PLAC1: variants seen among roughly 807,000 people sequenced by gnomAD.
PLAC1 encodes the protein placenta-specific protein 1.
For synonymous variants in PLAC1, 68 were observed against 62.1 expected (o/e 1.09, Z -0.44); for missense variants, 136 against 163.2 (o/e 0.83, Z 0.91).
intron 2 of PLAC1, among the ~76,000 whole-genome samples, chrX:134,586,558 C>T (rs758598348): frequency 3.6e-5 from 4 of 111,125 alleles, no homozygotes; most frequent in Admixed American, 1.9e-4. Flanking sequence ...AGGGGAAGGA[C>T]GCAGAGGGCA....
intron 1 of PLAC1, among the ~76,000 whole-genome samples, chrX:134,736,148 C>T (rs959280334): frequency 9.1e-6 from 1 of 109,509 alleles, no homozygotes; most frequent in Non-Finnish European, 1.9e-5. Flanking sequence ...TGGTGGCATG[C>T]GCCTGTAGTC....
intron 2 of PLAC1, among the ~76,000 whole-genome samples, chrX:134,721,636 G>A (rs1254532921): frequency 1.8e-5 from 2 of 110,036 alleles, no homozygotes; most frequent in African/African-American, 6.6e-5. Context: ...AGGCCAAGGC[G>A]GGTGGATCAC....
At chrX:134,649,487 T>C (rs11795880) in intron 1 of PLAC1, among the ~76,000 whole-genome samples, 216 of 110,468 alleles carry the variant, frequency 2.0e-3, no homozygotes, top group Non-Finnish European at 3.0e-3. Context: ...TGGGAGCATT[T>C]ACACCATGGA....
intron 1 of PLAC1, among the ~76,000 whole-genome samples, chrX:134,736,047 G>A (rs867861942): frequency 9.1e-6 from 1 of 110,304 alleles, no homozygotes; most frequent in Non-Finnish European, 1.9e-5. Context: ...GGAGGCCGAG[G>A]CAGGCGGATC....
chrX:134,591,036 C>G (rs2078037238), intron 2 of PLAC1, among the ~76,000 whole-genome samples: 1 of 111,749 alleles, frequency 8.9e-6, no homozygotes, highest in Non-Finnish European at 1.9e-5. Flanking sequence ...GAGCCCAGGT[C>G]AGCACAATCC....
At chrX:134,621,821 C>T (rs1200545225) in intron 1 of PLAC1, among the ~76,000 whole-genome samples, 1 of 111,839 alleles carries the variant, frequency 8.9e-6, no homozygotes, top group African/African-American at 3.3e-5. Flanking sequence ...AGCAACCCAA[C>T]TGAAGGTCAA....
chrX:134,609,067 G>A (rs1312559076), intron 1 of PLAC1, among the ~76,000 whole-genome samples: 1 of 110,688 alleles, frequency 9.0e-6, no homozygotes, highest in Non-Finnish European at 1.9e-5. Flanking sequence ...TGACCTCCTG[G>A]GCTCAAATGA....
At chrX:134,584,695 C>G (rs747537004) in intron 2 of PLAC1, among the ~76,000 whole-genome samples, 2 of 111,617 alleles carry the variant, frequency 1.8e-5, no homozygotes, top group Non-Finnish European at 3.8e-5. Flanking sequence ...TAAGGACACA[C>G]ATGCAGAATA....
chrX:134,742,957 A>C (rs1298419142), intron 1 of PLAC1, among the ~76,000 whole-genome samples: 1 of 112,429 alleles, frequency 8.9e-6, no homozygotes, highest in Non-Finnish European at 1.9e-5. Flanking sequence ...AGAAAACAGA[A>C]ACAGAAAGAC....
At chrX:134,701,755 C>A (rs747998778) in intron 2 of PLAC1, among the ~76,000 whole-genome samples, 12 of 112,318 alleles carry the variant, frequency 1.1e-4, no homozygotes, top group African/African-American at 3.9e-4. Context: ...CAGTGGCTCA[C>A]GCCTGTAATC....
chrX:134,613,601 C>T (rs1461733491), intron 1 of PLAC1, among the ~76,000 whole-genome samples: 1 of 111,332 alleles, frequency 9.0e-6, no homozygotes, highest in Non-Finnish European at 1.9e-5. Context: ...AAGCAGGGCA[C>T]GTGCTCCTGG....
At chrX:134,660,406 G>A (rs762750632), upstream of PLAC1, among the ~76,000 whole-genome samples, 78 of 112,095 alleles carry the variant, frequency 7.0e-4, no homozygotes, top group Non-Finnish European at 1.1e-3. Context: ...ATGCCTGGCC[G>A]AAAGAGGTTT....
intron 1 of PLAC1, chrX:134,604,566 A>G (rs776448391): frequency 8.9e-6 from 1 of 112,272 alleles, no homozygotes; most frequent in East Asian, 2.8e-4. Flanking sequence ...GCCATCATCA[A>G]ATTAAAAAGG....
intron 1 of PLAC1, chrX:134,606,137 G>C (rs1366926063): frequency 1.8e-5 from 2 of 110,137 alleles, no homozygotes; most frequent in African/African-American, 6.6e-5. Context: ...AGCTACTCAG[G>C]AGGCTGAGGC....
At chrX:134,719,691 G>A (rs1202774592) in intron 2 of PLAC1, among the ~76,000 whole-genome samples, 7 of 111,539 alleles carry the variant, frequency 6.3e-5, no homozygotes, top group Admixed American at 9.5e-5. Context: ...TCGGGAGGCT[G>A]AGGTGGGAGA....
chrX:134,586,603 ATC>A (rs765243079), intron 2 of PLAC1, among the ~76,000 whole-genome samples: 1 of 109,163 alleles, frequency 9.2e-6, no homozygotes, highest in Admixed American at 9.8e-5. Context: ...CTCCAAGGTC[ATC>A]TTGCCGCCTT....
upstream of PLAC1, among the ~76,000 whole-genome samples, chrX:134,659,185 C>T (rs1379612278): frequency 9.1e-6 from 1 of 110,394 alleles, no homozygotes; most frequent in East Asian, 2.8e-4. Flanking sequence ...CCTGCACATC[C>T]TGCACATGTA....
chrX:134,574,665 C>T (rs1344133134), intron 2 of PLAC1, among the ~76,000 whole-genome samples: 1 of 111,863 alleles, frequency 8.9e-6, no homozygotes, highest in African/African-American at 3.3e-5. Flanking sequence ...TTCCTCCATC[C>T]CTGTGATAAG....
chrX:134,647,821 C>G (rs1487326584), intron 1 of PLAC1, among the ~76,000 whole-genome samples: 6 of 111,456 alleles, frequency 5.4e-5, no homozygotes, highest in African/African-American at 1.6e-4. Flanking sequence ...TGGATGAAAA[C>G]TTTGCATTCA....
Sources: allele counts gnomAD v4.1 joint callset (sites outside exome capture counted in the v4.1 genomes callset), GRCh38; gene constraint gnomAD v4.1.1; transcripts MANE v1.5; gene names NCBI Gene and HGNC (gene_info 2026-07-23, HGNC 2026-07-21).